The following TLL2 variants were observed in gnomAD, a reference collection of about 807,000 sequenced individuals.
TLL2 encodes tolloid like 2.
In TLL2, 106 loss-of-function variants were observed where a neutral mutation model predicts 123.0. That is an observed-to-expected ratio of 0.86 (90% CI 0.74 to 1.01). The LOEUF (loss-of-function observed/expected upper bound fraction) is 1.01. Ranked by LOEUF, TLL2 falls within the 50% of genes least tolerant of loss-of-function variation. TLL2 has a pLI of 0.00. For missense variants in TLL2, 1,332 were observed against 1,336.7 expected (o/e 1.00, Z 0.06); for synonymous variants, 494 against 516.8 (o/e 0.96, Z 0.60).
chr10:96,369,153 G>C (rs1282477525), intron 20 of TLL2, among the ~76,000 whole-genome samples: 2 of 152,228 alleles, frequency 1.3e-5, no homozygotes, highest in Non-Finnish European at 2.9e-5. Context: ...CTGGTGCCCA[G>C]TATGGGCAGT....
intron 1 of TLL2, among the ~76,000 whole-genome samples, chr10:96,482,179 A>G (rs1196020493): frequency 6.6e-6 from 1 of 150,660 alleles, no homozygotes; most frequent in East Asian, 2.0e-4. Context: ...AATGGCGTGA[A>G]CCCGGGCGGC....
intron 13 of TLL2, among the ~76,000 whole-genome samples, chr10:96,392,094 C>A: frequency 6.6e-6 from 1 of 152,146 alleles, no homozygotes; most frequent in East Asian, 1.9e-4. Context: ...CTTTCCTCGG[C>A]GTCTCCAGCC....
chr10:96,465,870 C>A lies in TLL2; in HGVS notation c.286+14479G>T, dbSNP rs745801861. Among the ~76,000 whole-genome samples, 12 of 152,180 alleles carry A rather than the reference C, an allele frequency of 7.9e-5. No homozygotes were observed. In the East Asian group the frequency reaches 1.7e-3, roughly 22 times the overall value. ...TCGTTGCCATGTGGGATTACTGGAC[C>A]GGTGTGGCCAAATCTTCCAGCTTTT... On this transcript the variant is annotated intron_variant, in intron 2 of 20. Transcript: ENST00000357947.
At chr10:96,409,625 A>G (rs1430582984) in intron 9 of TLL2, among the ~76,000 whole-genome samples, 2 of 152,234 alleles carry the variant, frequency 1.3e-5, no homozygotes, top group East Asian at 3.8e-4. Context: ...GCCCTGCAGT[A>G]GGGTTGAAAA....
At chr10:96,423,785 T>G (rs1040547409) in intron 5 of TLL2, among the ~76,000 whole-genome samples, 6 of 152,234 alleles carry the variant, frequency 3.9e-5, no homozygotes, top group African/African-American at 1.4e-4. Flanking sequence ...TAAAAGCCCC[T>G]TTCTCTTTAC....
At chr10:96,445,604 C>T (rs1276217027) in intron 3 of TLL2, among the ~76,000 whole-genome samples, 1 of 152,200 alleles carries the variant, frequency 6.6e-6, no homozygotes, top group African/African-American at 2.4e-5. Context: ...CTCTCAGACA[C>T]TCAGTTCTCA....
intron 4 of TLL2, 81 bp downstream of exon 4, chr10:96,432,726 G>T: frequency 6.5e-7 from 1 of 1,538,794 alleles, no homozygotes. Context: ...CATCCCACCC[G>T]GGTCCTTCCT....
At chr10:96,371,286 A>G (rs1271220341) in intron 19 of TLL2, among the ~76,000 whole-genome samples, 2 of 151,334 alleles carry the variant, frequency 1.3e-5, no homozygotes, top group Non-Finnish European at 2.9e-5. Context: ...GTGCCACGGC[A>G]CTCCAGCCTG....
intron 7 of TLL2, among the ~76,000 whole-genome samples, chr10:96,415,739 G>GTCTCTCTCTC (rs142401265): frequency 3.6e-5 from 1 of 28,066 alleles, no homozygotes; most frequent in Non-Finnish European, 7.5e-5. Flanking sequence ...GTCTCTCTCT[G>GTCTCTCTCTC]TCTCTCTCTC....
intron 17 of TLL2, among the ~76,000 whole-genome samples, chr10:96,378,720 T>C (rs1846159217): frequency 6.6e-6 from 1 of 152,152 alleles, no homozygotes; most frequent in African/African-American, 2.4e-5. Flanking sequence ...GGTAATTGGA[T>C]TCCAGAGCCT....
chr10:96,495,087 A>G (rs934361986), intron 1 of TLL2, among the ~76,000 whole-genome samples: 2 of 152,116 alleles, frequency 1.3e-5, no homozygotes, highest in Non-Finnish European at 2.9e-5. Context: ...CTCCAATAAC[A>G]AGCCACTCCA....
intron 1 of TLL2, among the ~76,000 whole-genome samples, chr10:96,499,416 T>C (rs1847509939): frequency 6.6e-6 from 1 of 152,232 alleles, no homozygotes; most frequent in African/African-American, 2.4e-5. Flanking sequence ...AGTGTTCCCT[T>C]TACCTCTTTT....
At chr10:96,385,836 A>ATTCTCC (rs1846228791) in intron 15 of TLL2, among the ~76,000 whole-genome samples, 1 of 152,130 alleles carries the variant, frequency 6.6e-6, no homozygotes, top group African/African-American at 2.4e-5. Context: ...CCTTGGATGT[A>ATTCTCC]TCAGCGACAA....
intron 2 of TLL2, among the ~76,000 whole-genome samples, chr10:96,461,478 C>A (rs1847081465): frequency 6.6e-6 from 1 of 152,174 alleles, no homozygotes; most frequent in Admixed American, 6.5e-5. Context: ...CCAAGCTCTG[C>A]CTGAATCTGA....
chr10:96,395,752 G>A, intron 12 of TLL2, 123 bp downstream of exon 12: 1 of 1,279,614 alleles, frequency 7.8e-7, no homozygotes. Context: ...AATTCACTAT[G>A]GGCTTGAGAA....
At position 96,397,288 on chromosome 10, in the gene TLL2, C is replaced by T. The variant is rs769905843; in HGVS notation, c.1282G>A (p.Asp428Asn). The change falls in exon 11 of 21, where the codon GAT (aspartate) becomes AAT (asparagine). Residue 428 changes from aspartate (D) to asparagine (N), a missense_variant. Coordinates refer to ENST00000357947, the MANE Select transcript of TLL2 (RefSeq NM_012465.4). ...KAPLLGRFCG[D>N]KIPEPLVSTD... is the part of the protein sequence containing the mutation. ...GAGACGAGGGGCTCCGGGATCTTAT[C>T]GCCACAAAACCTGCCTGGAAAGTGG... 1.5e-5 allele frequency: 24 copies of T among 1,612,564 alleles called. No homozygotes were observed. Among genetic ancestry groups the T allele is most frequent in the African/African-American group, 2.7e-5 (2 of 74,830 alleles).
intron 16 of TLL2, 67 bp from the exon 17 acceptor site, chr10:96,379,159 T>G: frequency 1.3e-6 from 2 of 1,575,066 alleles, no homozygotes; most frequent in Non-Finnish European, 1.7e-6. Flanking sequence ...GGGCTCAGAA[T>G]CCCACTTAAA....
At chr10:96,422,209 T>C (rs1296641742) in intron 6 of TLL2, among the ~76,000 whole-genome samples, 3 of 135,510 alleles carry the variant, frequency 2.2e-5, no homozygotes, top group African/African-American at 8.8e-5. Flanking sequence ...AGGAGAACTC[T>C]TTTTTTTTTT....
intron 18 of TLL2, chr10:96,374,194 A>ACCACCG: frequency 4.4e-6 from 1 of 229,134 alleles, no homozygotes; most frequent in Non-Finnish European, 8.6e-6. Flanking sequence ...ACTTAGGGCT[A>ACCACCG]AGAGCCAGCA....
Sources: allele counts gnomAD v4.1 joint callset (sites outside exome capture counted in the v4.1 genomes callset), GRCh38; gene constraint gnomAD v4.1.1; transcripts MANE v1.5; gene names NCBI Gene and HGNC (gene_info 2026-07-23, HGNC 2026-07-21).